The following TMEM41B variants were observed in gnomAD, a reference collection of about 807,000 sequenced individuals.
TMEM41B encodes the protein transmembrane protein 41B.
TMEM41B carries 18 observed loss-of-function variants against 31.9 expected under a neutral mutation model. That is an observed-to-expected ratio of 0.56 (90% CI 0.39 to 0.84). The LOEUF is 0.84. Ranked by LOEUF, TMEM41B falls within the 40% of genes least tolerant of loss-of-function variation. TMEM41B has a pLI of 0.00. For missense variants in TMEM41B, 322 were observed against 348.0 expected, an observed-to-expected ratio of 0.93 and a Z score of 0.59; for synonymous variants, 144 against 124.3, an observed-to-expected ratio of 1.16 and a Z score of -1.05.
chr11:9,311,191 G>T, intron 1 of TMEM41B: 1 of 1,379,722 alleles, frequency 7.2e-7, no homozygotes. Context: ...GAGCACAAGG[G>T]CTACTTTCCC....
intron 6 of TMEM41B, among the ~76,000 whole-genome samples, chr11:9,284,700 T>G (rs918757225): frequency 6.6e-6 from 1 of 151,478 alleles, no homozygotes; most frequent in South Asian, 2.1e-4. Flanking sequence ...GAGGCGGAGG[T>G]TGCAATGAGC....
chr11:9,296,787 C>T (rs1853100099), intron 2 of TMEM41B, among the ~76,000 whole-genome samples: 1 of 152,082 alleles, frequency 6.6e-6, no homozygotes, highest in African/African-American at 2.4e-5. Flanking sequence ...AGATCAAAGT[C>T]CACAAAAAAC....
intron 1 of TMEM41B, among the ~76,000 whole-genome samples, chr11:9,304,384 T>C (rs1489691322): frequency 6.6e-6 from 1 of 152,110 alleles, no homozygotes; most frequent in African/African-American, 2.4e-5. Context: ...GAAAGCATAA[T>C]CAGCAAAAAG....
At position 9,282,943 on chromosome 11, in the gene TMEM41B, A is replaced by C. The variant is rs1291550747; in HGVS notation, c.*481T>G. 1.2e-3 allele frequency: 111 copies of C among 96,512 alleles called. No homozygotes were observed. The highest frequency in any genetic ancestry group is 4.8e-3 in the African/African-American group (108 of 22,516). 6.0% of individuals were successfully genotyped at this position (96,512 alleles called of 1,614,324 possible). A position where few individuals can be genotyped will look rare whatever the true frequency, so the allele number is the denominator to read the frequency against. On this transcript the variant is annotated 3_prime_UTR_variant, in exon 7 of 7. Transcript: ENST00000528080. ...AGCTAGACTCCGTCTCAAAACAGAA[A>C]AAAAAAAAAAAAAAAAAAGAGGAAG...
At chr11:9,299,535 C>T in intron 2 of TMEM41B, 49 bp downstream of exon 2, 1 of 1,311,134 alleles carries the variant, frequency 7.6e-7, no homozygotes, top group Non-Finnish European at 1.1e-6. Context: ...AATCCACTTT[C>T]ATCTTATAAA....
chr11:9,288,205 A>C lies in TMEM41B; in HGVS notation c.462+237T>G, dbSNP rs1243326744. 7 of 378,890 alleles carry C rather than the reference A, an allele frequency of 1.8e-5. No individual in the cohort carries two copies. In the East Asian group the frequency reaches 3.7e-4, roughly 20 times the overall value. The allele number at this position is 378,890 out of a possible 1,614,324, so 23.5% of individuals were successfully genotyped here. A position where few individuals can be genotyped will look rare whatever the true frequency, so the allele number is the denominator to read the frequency against. On this transcript the variant is annotated intron_variant, in intron 4 of 6. Transcript: ENST00000528080. Reference sequence around the variant, plus strand: ...CAACACTCCTTGGACTGTCGCAGTTACAAAATCCAATAGGAAAGAAAAGCT... The same window carrying C: ...CAACACTCCTTGGACTGTCGCAGTTCCAAAATCCAATAGGAAAGAAAAGCT...
At chr11:9,312,331 C>T (rs1171334420) in intron 1 of TMEM41B, among the ~76,000 whole-genome samples, 1 of 152,168 alleles carries the variant, frequency 6.6e-6, no homozygotes, top group East Asian at 1.9e-4. Context: ...ACCCTGGCCC[C>T]TTCTCTACAA....
At chr11:9,298,066 A>G (rs1416251540) in intron 2 of TMEM41B, among the ~76,000 whole-genome samples, 1 of 35,582 alleles carries the variant, frequency 2.8e-5, no homozygotes, top group South Asian at 5.5e-4. Flanking sequence ...CCTGCCTCAA[A>G]AAAAAAAAAA....
Position 9,309,984 on chromosome 11 carries a change from G to C in TMEM41B, c.121+4337C>G, listed in dbSNP as rs574142518. Among the ~76,000 whole-genome samples, 48 of 150,908 alleles carry C rather than the reference G, an allele frequency of 3.2e-4. No homozygotes were observed. The South Asian group carries it at 9.8e-3, about 31-fold the overall frequency. On this transcript the variant is annotated intron_variant, in intron 1 of 6. Transcript: ENST00000528080. ...TTCTAGAAGCAATAAAATCAACTTT[G>C]AGACAGTGTTTTTCAATCTTTTTTG...
intron 1 of TMEM41B, among the ~76,000 whole-genome samples, chr11:9,304,337 A>C (rs1304362248): frequency 2.0e-5 from 3 of 152,316 alleles, no homozygotes; most frequent in African/African-American, 7.2e-5. Flanking sequence ...CCTCCTAATA[A>C]GTTATATTCA....
intron 1 of TMEM41B, among the ~76,000 whole-genome samples, chr11:9,312,893 G>A (rs1221558398): frequency 1.7e-5 from 2 of 121,172 alleles, no homozygotes; most frequent in African/African-American, 3.3e-5. Flanking sequence ...GACAGACCGA[G>A]ACTCCGTCTC....
At position 9,308,276 on chromosome 11, in the gene TMEM41B, G is replaced by A. The variant is rs533924381; in HGVS notation, c.121+6045C>T. ...GAGAATCACTTGAACCTGGGAGATG[G>A]GGGTTGCAGTGAGCTGAGATCACGC... On this transcript the variant is annotated intron_variant, in intron 1 of 6. Transcript: ENST00000528080. Among the ~76,000 whole-genome samples the A allele has an allele frequency of 7.9e-5, 12 of 152,286 alleles. 1 individual carries two copies. The South Asian group carries it at 2.5e-3, about 32-fold the overall frequency.
chr11:9,307,846 C>T (rs951515895), intron 1 of TMEM41B, among the ~76,000 whole-genome samples: 1 of 150,798 alleles, frequency 6.6e-6, no homozygotes, highest in Admixed American at 6.6e-5. Flanking sequence ...CCCAGGTTCA[C>T]GCCATTCTCC....
chr11:9,286,507 T>G lies in TMEM41B; in HGVS notation c.654A>C (p.Thr218=). The G allele has an allele frequency of 6.2e-7, 1 of 1,612,860 alleles. No individual in the cohort carries two copies. Among genetic ancestry groups the G allele is most frequent in the Non-Finnish European group, 8.5e-7 (1 of 1,179,666 alleles). The change falls in exon 6 of 7, where the codon ACA becomes ACC. Residue 218 remains threonine (T), a synonymous_variant. Transcript: ENST00000528080. The part of the protein sequence containing the change: ...PFLPNWFINI[T]SPVINVPLKV... ...TCAATGGCACGTTTATCACAGGAGA[T>G]GTGATATTAATAAACCAATTAGGCA...
At chr11:9,303,650 C>CTTTTTTTT (rs71062827) in intron 1 of TMEM41B, among the ~76,000 whole-genome samples, 13 of 104,808 alleles carry the variant, frequency 1.2e-4, no homozygotes, top group Admixed American at 3.7e-4. Context: ...TATTCTTTTT[C>CTTTTTTTT]TTTTTTTTTT....
At chr11:9,312,102 C>T (rs549449942) in intron 1 of TMEM41B, among the ~76,000 whole-genome samples, 2 of 152,294 alleles carry the variant, frequency 1.3e-5, no homozygotes, top group South Asian at 4.1e-4. Flanking sequence ...CCAACAGAAA[C>T]CCTCTGCTCC....
chr11:9,300,570 T>C (rs1026384687), intron 1 of TMEM41B, among the ~76,000 whole-genome samples: 3 of 152,036 alleles, frequency 2.0e-5, no homozygotes, highest in African/African-American at 4.8e-5. Flanking sequence ...GTAATCTCAG[T>C]ATTAGCTTAA....
intron 1 of TMEM41B, among the ~76,000 whole-genome samples, chr11:9,303,948 G>T (rs926171494): frequency 6.6e-6 from 1 of 152,146 alleles, no homozygotes; most frequent in South Asian, 2.1e-4. Flanking sequence ...GATTACAGGC[G>T]TGAGCCACCA....
chr11:9,305,979 C>CTTTTTTTTTT (rs746744551), intron 1 of TMEM41B, among the ~76,000 whole-genome samples: 59 of 117,968 alleles, frequency 5.0e-4, no homozygotes, highest in African/African-American at 9.5e-4. Flanking sequence ...CAGCACTTTT[C>CTTTTTTTTTT]TTTTTTTTTT....
Sources: gnomAD v4.1 joint callset for allele counts (sites outside exome capture counted in the v4.1 genomes callset) on GRCh38, gnomAD v4.1.1 for gene constraint, MANE v1.5 for transcripts, NCBI Gene and HGNC (gene_info 2026-07-23, HGNC 2026-07-21) for gene names.